LPP: variants seen among roughly 807,000 people sequenced by gnomAD.
The protein encoded by LPP is LIM domain containing preferred translocation partner in lipoma.
In LPP, 38 loss-of-function variants were observed where a neutral mutation model predicts 60.4. The ratio of observed to expected loss-of-function variants is 0.63; its 90% CI spans 0.49 to 0.83. The LOEUF (loss-of-function observed/expected upper bound fraction) is 0.83, where lower values mean the gene tolerates loss of function less well. Among genes scored for constraint, LPP ranks in the 40% least tolerant of loss-of-function variants. The pLI is 0.00. For synonymous variants in LPP, 328 were observed against 290.8 expected, an observed-to-expected ratio of 1.13 and a Z score of -1.30; for missense variants, 902 against 783.6, an observed-to-expected ratio of 1.15 and a Z score of -1.80.
intron 7 of LPP, among the ~76,000 whole-genome samples, chr3:188,663,915 A>G (rs1855179720): frequency 6.6e-6 from 1 of 152,182 alleles, no homozygotes; most frequent in Non-Finnish European, 1.5e-5. Context: ...CACTGATCTG[A>G]CAGGAGGCGG....
At chr3:188,353,790 GGAAA>G (rs1308483047) in intron 3 of LPP, among the ~76,000 whole-genome samples, 1 of 152,092 alleles carries the variant, frequency 6.6e-6, no homozygotes, top group East Asian at 1.9e-4. Flanking sequence ...AAAGCCAGAA[GGAAA>G]ATACTGCATT....
At chr3:188,695,567 C>T (rs1388284396) in intron 7 of LPP, among the ~76,000 whole-genome samples, 1 of 152,222 alleles carries the variant, frequency 6.6e-6, no homozygotes, top group African/African-American at 2.4e-5. Flanking sequence ...CACAGTGGCT[C>T]TCAGATGAAG....
At chr3:188,597,321 C>A (rs939253584) in intron 6 of LPP, among the ~76,000 whole-genome samples, 1 of 152,122 alleles carries the variant, frequency 6.6e-6, no homozygotes, top group African/African-American at 2.4e-5. Context: ...CCAAATAGCT[C>A]TTTTTCGACA....
In LPP at chr3:188,524,739, C is replaced by G. The variant is rs1202694169; in HGVS notation, c.381C>G (p.Ile127Met). 6.2e-7 allele frequency: 1 copy of G among 1,614,138 alleles called. No homozygotes were observed. Among genetic ancestry groups the G allele is most frequent in the Non-Finnish European group, 8.5e-7 (1 of 1,179,998 alleles). ...LDAEIDSLTS[I>M]LADLECSSPY... is the part of the protein sequence containing the mutation. ...CTGAGATTGACTCCTTGACCAGCAT[C>G]TTGGCTGACCTTGAGTGCAGCTCCC... Residue 127 changes from isoleucine to methionine, a missense_variant, in exon 6 of 12, where the codon ATC becomes ATG. Physicochemically the swap from Ile to Met is conservative, Grantham distance 10. Coordinates refer to ENST00000617246, the MANE Select transcript of LPP (RefSeq NM_001375462.1).
At chr3:188,323,976 G>GA (rs1239787385) in intron 2 of LPP, among the ~76,000 whole-genome samples, 1 of 152,214 alleles carries the variant, frequency 6.6e-6, no homozygotes, top group Non-Finnish European at 1.5e-5. Flanking sequence ...CAGATTTGGA[G>GA]ATAGTACATG....
At chr3:188,209,952 G>A (rs1397105246) in intron 1 of LPP, among the ~76,000 whole-genome samples, 1 of 152,034 alleles carries the variant, frequency 6.6e-6, no homozygotes, top group East Asian at 1.9e-4. Flanking sequence ...ATGTGGTCAG[G>A]AGAACAACCA....
chr3:188,718,475 A>G (rs1038071562), intron 8 of LPP, among the ~76,000 whole-genome samples: 1 of 152,224 alleles, frequency 6.6e-6, no homozygotes, highest in Non-Finnish European at 1.5e-5. Context: ...AATTTTGTGT[A>G]TGTATTTTTC....
At chr3:188,322,844 T>C (rs1757339398) in intron 2 of LPP, among the ~76,000 whole-genome samples, 1 of 152,238 alleles carries the variant, frequency 6.6e-6, no homozygotes, top group Admixed American at 6.5e-5. Flanking sequence ...GATATGTTAA[T>C]GTATGTGGGA....
intron 2 of LPP, among the ~76,000 whole-genome samples, chr3:188,290,229 G>T (rs1267446464): frequency 6.6e-6 from 1 of 152,148 alleles, no homozygotes; most frequent in East Asian, 1.9e-4. Flanking sequence ...GACTGCCTTA[G>T]CCTCCCAAAG....
chr3:188,443,426 A>G (rs888160274), intron 4 of LPP, among the ~76,000 whole-genome samples: 4 of 152,206 alleles, frequency 2.6e-5, no homozygotes, highest in African/African-American at 9.6e-5. Context: ...ATCTTACGCT[A>G]TTGAACCTCA....
At chr3:188,223,400 C>T (rs1360820817) in intron 1 of LPP, among the ~76,000 whole-genome samples, 1 of 152,028 alleles carries the variant, frequency 6.6e-6, no homozygotes, top group Non-Finnish European at 1.5e-5. Context: ...GGAAACTTAC[C>T]ACGAAATTGA....
chr3:188,196,488 C>T (rs532989745), intron 1 of LPP, among the ~76,000 whole-genome samples: 1 of 152,302 alleles, frequency 6.6e-6, no homozygotes, highest in East Asian at 1.9e-4. Context: ...CTTCCCTCCT[C>T]CCTCTACCTT....
chr3:188,294,675 T>G (rs1027312609), intron 2 of LPP, among the ~76,000 whole-genome samples: 1 of 152,238 alleles, frequency 6.6e-6, no homozygotes, highest in Non-Finnish European at 1.5e-5. Context: ...ATTGTATAAA[T>G]AGGCATTAGG....
intron 5 of LPP, among the ~76,000 whole-genome samples, chr3:188,520,469 G>A (rs899428155): frequency 1.3e-5 from 2 of 152,168 alleles, no homozygotes; most frequent in Non-Finnish European, 2.9e-5. Flanking sequence ...AACAGTATAG[G>A]GGAAAATGCC....
chr3:188,166,160 T>A (rs1577069409), intron 1 of LPP, among the ~76,000 whole-genome samples: 1 of 152,182 alleles, frequency 6.6e-6, no homozygotes, highest in East Asian at 1.9e-4. Context: ...AACCCTGATT[T>A]TTTTTTTTCT....
rs181210689 is a variant in LPP, at chr3:188,342,406, A to G, written c.-10+687A>G. On this transcript the variant is annotated intron_variant, in intron 3 of 11. Coordinates refer to ENST00000617246, the MANE Select transcript of LPP (RefSeq NM_001375462.1). ...AAATGGAGGCCAATGGAGAAAAAAC[A>G]TTTAAAGGAAGCATCATAGTTGTAA... Among the ~76,000 whole-genome samples the G allele has an allele frequency of 5.3e-5, 8 of 152,334 alleles. No homozygotes were observed. In the East Asian group the frequency reaches 1.5e-3, roughly 29 times the overall value.
intron 9 of LPP, among the ~76,000 whole-genome samples, chr3:188,848,964 CAAA>C (rs58073326): frequency 8.4e-6 from 1 of 119,516 alleles, no homozygotes; most frequent in Admixed American, 8.4e-5. Context: ...GACTCTGTCT[CAAA>C]AAAAAAAAAA....
At position 188,750,079 on chromosome 3, in the gene LPP, T is replaced by C. The variant is rs570081491; in HGVS notation, c.1241-10034T>C. Among the ~76,000 whole-genome samples, 19 of 152,306 alleles carry C rather than the reference T, an allele frequency of 1.2e-4. No individual in the cohort carries two copies. The East Asian group carries it at 3.7e-3, about 29-fold the overall frequency. On this transcript the variant is annotated intron_variant, in intron 8 of 11. Transcript: ENST00000617246. ...TGAGGGCTACTCTCTGTTTCCAGGA[T>C]GGTGCTTTGTGCTACCTCCTCACAT...
chr3:188,406,119 C>T lies in LPP; in HGVS notation c.-2C>T. ...GTTTCTTTTTCATTGCAGATTCCAA[C>T]AATGTCTCACCCATCTTGGCTGCCA... On this transcript the variant is annotated 5_prime_UTR_variant, in exon 4 of 12. Transcript: ENST00000617246. The T allele has an allele frequency of 6.2e-7, 1 of 1,609,390 alleles. No homozygotes were observed. Among genetic ancestry groups the T allele is most frequent in the Non-Finnish European group, 8.5e-7 (1 of 1,177,926 alleles).
Sources: gnomAD v4.1 joint callset for allele counts (sites outside exome capture counted in the v4.1 genomes callset) on GRCh38, gnomAD v4.1.1 for gene constraint, MANE v1.5 for transcripts, NCBI Gene and HGNC (gene_info 2026-07-23, HGNC 2026-07-21) for gene names.